GFI1: variants seen among roughly 807,000 people sequenced by gnomAD.
The protein encoded by GFI1 is growth factor independent 1 transcriptional repressor.
A neutral mutation model predicts 39.2 loss-of-function variants in GFI1; 15 were observed. The observed-to-expected ratio is 0.38, with a 90% CI of 0.26 to 0.59. The LOEUF (loss-of-function observed/expected upper bound fraction) is 0.59, where lower values mean the gene tolerates loss of function less well. Ranked by LOEUF, GFI1 falls within the 20% of genes least tolerant of loss-of-function variation. GFI1 has a pLI of 0.62. For missense variants in GFI1, 475 were observed against 574.0 expected (o/e 0.83, Z 1.76); for synonymous variants, 239 against 254.3 (o/e 0.94, Z 0.57).
In GFI1 at chr1:92,480,712, A is replaced by G. The variant is rs748481481; in HGVS notation, c.675T>C (p.Arg225=). 9 of 1,595,646 alleles carry G rather than the reference A, an allele frequency of 5.6e-6. No individual in the cohort carries two copies. The African/African-American group carries it at 1.2e-4, about 21-fold the overall frequency. ...CCTTGTCTGCGTGCAGCCCGTGGCC[A>G]CGCTCGGGGTACAGCAAGCCCGCCG... ...TAAAGLLYPE[R]GHGLHADKGA... Residue 225 remains arginine (R), a synonymous_variant, in exon 4 of 7, where the codon CGT becomes CGC. Transcript: ENST00000294702. The surrounding 1 kb of genome is among the most constrained non-coding windows in gnomAD (Gnocchi z 5.6).
In GFI1 at chr1:92,480,864, C is replaced by G; in HGVS notation, c.523G>C (p.Gly175Arg). 1.4e-6 allele frequency: 2 copies of G among 1,459,204 alleles called. No homozygotes were observed. Among genetic ancestry groups the G allele is most frequent in the Non-Finnish European group, 1.8e-6 (2 of 1,111,256 alleles). The allele number at this position is 1,459,204 out of a possible 1,614,324, so 90.4% of individuals were successfully genotyped here. The change falls in exon 4 of 7, where the codon GGC (glycine) becomes CGC (arginine). Residue 175 changes from glycine (G) to arginine (R), a missense_variant. Gly to Arg is a moderately radical substitution (Grantham distance 125). Coordinates refer to ENST00000294702, the MANE Select transcript of GFI1 (RefSeq NM_005263.5). The surrounding 1 kb of genome is among the most constrained non-coding windows in gnomAD (Gnocchi z 5.6). ...CCTGGCGCCCCGGCCCCCGCGCCGC[C>G]GGCAGCCCGCTTCGGGCCGTACAGC... Reference protein sequence around the residue: ...AALYGPKRAAGGAGAGAPGSC... With the variant: ...AALYGPKRAARGAGAGAPGSC...
intron 6 of GFI1, among the ~76,000 whole-genome samples, chr1:92,478,080 A>T (rs1658048277): frequency 6.6e-6 from 1 of 152,216 alleles, no homozygotes; most frequent in Non-Finnish European, 1.5e-5. Flanking sequence ...TAATGCATTT[A>T]AAAAATGCTT....
chr1:92,480,802 A>G lies in GFI1; in HGVS notation c.585T>C (p.Pro195=), dbSNP rs762301531. ...CSAGAGATAG[P]GLGLYGDFGS... is the part of the protein sequence containing the mutation. ...CGAAGTCGCCGTAGAGCCCTAGGCCAGGGCCAGCGGTGGCACCGGCCCCTG... is the reference window on the plus strand; with the variant it reads ...CGAAGTCGCCGTAGAGCCCTAGGCCGGGGCCAGCGGTGGCACCGGCCCCTG... The change falls in exon 4 of 7, where the codon CCT becomes CCC. Residue 195 remains proline, a synonymous_variant. Transcript: ENST00000294702. The surrounding 1 kb of genome is among the most constrained non-coding windows in gnomAD (Gnocchi z 5.6). The G allele has an allele frequency of 1.3e-6, 2 of 1,590,264 alleles. No individual in the cohort carries two copies. The highest frequency in any genetic ancestry group is 1.7e-6 in the Non-Finnish European group (2 of 1,171,554).
At chr1:92,476,762 T>TTC (rs141823158) in intron 6 of GFI1, among the ~76,000 whole-genome samples, 25 of 151,358 alleles carry the variant, frequency 1.7e-4, no homozygotes, top group South Asian at 8.4e-4. Context: ...CTTTCTTTAT[T>TTC]TCTCTCTCTC....
intron 6 of GFI1, among the ~76,000 whole-genome samples, chr1:92,476,957 TAATA>T (rs1658009611): frequency 6.6e-6 from 1 of 152,198 alleles, no homozygotes; most frequent in South Asian, 2.1e-4. Flanking sequence ...CACCACAAAT[TAATA>T]AATAAGAGAA....
rs1466520923 is a variant in GFI1 at position 92,482,086 on chromosome 1, C to G, written c.298+778G>C. The stretch of plus-strand genomic sequence containing the variant: ...CTGGCAGGAAGAATCCTCCCGCCGC[C>G]GGCTCCCAGACACACTTGCTGGAGC... On this transcript the variant is annotated intron_variant, in intron 3 of 6. Transcript: ENST00000294702. The surrounding 1 kb of genome is among the most constrained non-coding windows in gnomAD (Gnocchi z 4.4). Among the ~76,000 whole-genome samples, 1 of 152,158 alleles carries G rather than the reference C, an allele frequency of 6.6e-6. No homozygotes were observed. Among genetic ancestry groups the G allele is most frequent in the Non-Finnish European group, 1.5e-5 (1 of 68,034 alleles).
chr1:92,480,677 A>G lies in GFI1; in HGVS notation c.710T>C (p.Val237Ala), dbSNP rs1212064579. ...GCACAGCAGCTCCGACTCCACCTTGACGCCAGCGCCCTTGTCTGCGTGCAG... is the reference window on the plus strand; with the variant it reads ...GCACAGCAGCTCCGACTCCACCTTGGCGCCAGCGCCCTTGTCTGCGTGCAG... ...HGLHADKGAGVKVESELLCTR... is the reference protein window; with the variant it reads ...HGLHADKGAGAKVESELLCTR... Residue 237 changes from valine (V) to alanine (A), a missense_variant, in exon 4 of 7, where the codon GTC becomes GCC. By Grantham distance (64) the Val-to-Ala change is moderately conservative. Around this residue, in one of 4 missense-constraint regions of GFI1, gnomAD observed 79 missense variants for 68.4 expected, o/e 1.15. Transcript: ENST00000294702. This position sits in a 1 kb window ranked among gnomAD's most constrained non-coding sequence, Gnocchi z 5.6. The G allele has an allele frequency of 2.5e-6, 4 of 1,596,280 alleles. No individual in the cohort carries two copies. Among genetic ancestry groups the G allele is most frequent in the African/African-American group, 2.7e-5 (2 of 74,954 alleles).
chr1:92,476,255 G>T, intron 6 of GFI1, 48 bp from the exon 7 acceptor site: 1 of 1,541,822 alleles, frequency 6.5e-7, no homozygotes, highest in Non-Finnish European at 8.9e-7. Context: ...CTATGATAAA[G>T]CTAGAGGGGA....
chr1:92,477,380 A>T (rs1268845212), intron 6 of GFI1, among the ~76,000 whole-genome samples: 1 of 152,234 alleles, frequency 6.6e-6, no homozygotes, highest in Non-Finnish European at 1.5e-5. Flanking sequence ...AAAGTAGAAT[A>T]CTTTTCTGGG....
Position 92,480,467 on chromosome 1 carries a change from C to A in GFI1, c.805G>T (p.Gly269Trp). 1 of 1,550,232 alleles carries A rather than the reference C, an allele frequency of 6.5e-7. No homozygotes were observed. The highest frequency in any genetic ancestry group is 8.7e-7 in the Non-Finnish European group (1 of 1,146,602). ...GACCTGCGCACGTGCACCTCGAGCCCGTGCGGCGTGGAGAACACCTAAGGC... is the reference window on the plus strand; with the variant it reads ...GACCTGCGCACGTGCACCTCGAGCCAGTGCGGCGTGGAGAACACCTAAGGC... ...KCSKVFSTPH[G>W]LEVHVRRSHS... Residue 269 changes from glycine to tryptophan, a missense_variant, in exon 5 of 7, where the codon GGG becomes TGG. Gly to Trp is a radical substitution (Grantham distance 184). Transcript: ENST00000294702. This position sits in a 1 kb window ranked among gnomAD's most constrained non-coding sequence, Gnocchi z 5.6.
In GFI1 at chr1:92,480,261, TC is replaced by T; in HGVS notation, c.924+86del. 4 of 1,430,212 alleles carry T rather than the reference TC, an allele frequency of 2.8e-6. No individual in the cohort carries two copies. The South Asian group carries it at 4.9e-5, about 17-fold the overall frequency. 88.6% of individuals were successfully genotyped at this position (1,430,212 alleles called of 1,614,324 possible). ...ACTGGGGGAAGTCGAGGAGAAAACT[TC>T]CAGGCAGAGAGTGGCTGGTGCTGCA... On this transcript the variant is annotated intron_variant, in intron 5 of 6. Transcript: ENST00000294702. The surrounding 1 kb of genome is among the most constrained non-coding windows in gnomAD (Gnocchi z 5.6).
Position 92,475,627 on chromosome 1 carries a change from CA to C in GFI1, c.*401del, listed in dbSNP as rs1379712016. On this transcript the variant is annotated 3_prime_UTR_variant, in exon 7 of 7. Coordinates refer to ENST00000294702, the MANE Select transcript of GFI1 (RefSeq NM_005263.5). ...AAATGGTGATTCCTCCTCTTCCACA[CA>C]AATATCTGGGGTAGGTCAAGAGGGG... 1 of 254,258 alleles carries C rather than the reference CA, an allele frequency of 3.9e-6. No individual in the cohort carries two copies. The highest frequency in any genetic ancestry group is 2.2e-5 in the African/African-American group (1 of 45,298). 15.8% of individuals were successfully genotyped at this position (254,258 alleles called of 1,614,324 possible).
At chr1:92,486,452 T>C (rs1658530660) in intron 1 of GFI1, among the ~76,000 whole-genome samples, 1 of 151,930 alleles carries the variant, frequency 6.6e-6, no homozygotes, top group Non-Finnish European at 1.5e-5. Context: ...GGACACAGAT[T>C]GACTGGCGAG....
Position 92,476,211 on chromosome 1 carries a change from T to C in GFI1, c.1091-4A>G. The C allele has an allele frequency of 6.2e-7, 1 of 1,611,356 alleles. No homozygotes were observed. Among genetic ancestry groups the C allele is most frequent in the Non-Finnish European group, 8.5e-7 (1 of 1,178,790 alleles). On this transcript the variant is annotated splice_polypyrimidine_tract_variant and splice_region_variant and intron_variant, in intron 6 of 6. Transcript: ENST00000294702. ...TGGCACTTGTGAGGCTTCTCACCTG[T>C]GGGGATGGGAGGGGGAGGGGAGAAA... is the stretch of plus-strand genomic sequence containing the variant.
At position 92,480,486 on chromosome 1, in the gene GFI1, C is replaced by G; in HGVS notation, c.787-1G>C. On this transcript the variant is annotated splice_acceptor_variant, in intron 4 of 6. Transcript: ENST00000294702. LOFTEE classifies it high-confidence loss of function. This position sits in a 1 kb window ranked among gnomAD's most constrained non-coding sequence, Gnocchi z 5.6. Reference sequence around the variant, plus strand: ...CGAGCCCGTGCGGCGTGGAGAACACCTAAGGCGGGTGGGGCCAGAGAGAAG... The same window carrying G: ...CGAGCCCGTGCGGCGTGGAGAACACGTAAGGCGGGTGGGGCCAGAGAGAAG... 6.5e-7 allele frequency: 1 copy of G among 1,549,828 alleles called. No individual in the cohort carries two copies. The highest frequency in any genetic ancestry group is 1.2e-5 in the South Asian group (1 of 84,036).
In GFI1 at chr1:92,473,197, A is replaced by G. The variant is rs1047766856; in HGVS notation, c.*2832T>C. Among the ~76,000 whole-genome samples, 2 of 150,260 alleles carry G rather than the reference A, an allele frequency of 1.3e-5. No homozygotes were observed. The highest frequency in any genetic ancestry group is 2.5e-5 in the African/African-American group (1 of 40,668). Reference sequence around the variant, plus strand: ...TTTACCAAAAAAAAAAAAAAAAGGCATACAGTTAACATCAAAATTACAATT... The same window carrying G: ...TTTACCAAAAAAAAAAAAAAAAGGCGTACAGTTAACATCAAAATTACAATT... On this transcript the variant is annotated 3_prime_UTR_variant, in exon 7 of 7. Transcript: ENST00000294702.
Position 92,482,329 on chromosome 1 carries a change from C to G in GFI1, c.298+535G>C, listed in dbSNP as rs947698603. 1.3e-5 allele frequency among the ~76,000 whole-genome samples: 2 copies of G among 152,082 alleles called. No homozygotes were observed. Among genetic ancestry groups the G allele is most frequent in the East Asian group, 3.9e-4 (2 of 5,184 alleles). On this transcript the variant is annotated intron_variant, in intron 3 of 6. Coordinates refer to ENST00000294702, the MANE Select transcript of GFI1 (RefSeq NM_005263.5). The surrounding 1 kb of genome is among the most constrained non-coding windows in gnomAD (Gnocchi z 4.4). ...CTGGAAATGAAACCCAGAGAGCAGG[C>G]CCCTGAGGCTAGGTTAACCCGGCAA...
Position 92,476,126 on chromosome 1 carries a change from G to A in GFI1, c.1172C>T (p.Thr391Ile), listed in dbSNP as rs1359056019. ...SNLITHSRKH[T>I]GFKPFGCDLC... ...GTCGCAGCCGAAGGGCTTGAAGCCTGTGTGTTTGCGGCTGTGGGTGATGAG... is the reference window on the plus strand; with the variant it reads ...GTCGCAGCCGAAGGGCTTGAAGCCTATGTGTTTGCGGCTGTGGGTGATGAG... Residue 391 changes from threonine (T) to isoleucine (I), a missense_variant, in exon 7 of 7, where the codon ACA (threonine) becomes ATA (isoleucine). Transcript: ENST00000294702. 6 of 1,614,062 alleles carry A rather than the reference G, an allele frequency of 3.7e-6. No individual in the cohort carries two copies. The South Asian group carries it at 6.6e-5, about 18-fold the overall frequency.
intron 5 of GFI1, 41 bp from the exon 6 acceptor site, chr1:92,478,794 A>AGAGG: frequency 6.4e-7 from 1 of 1,572,898 alleles, no homozygotes; most frequent in South Asian, 1.1e-5. Context: ...AGAGAGAGAG[A>AGAGG]TGCAGAACTC....
Sources: gnomAD v4.1 joint callset for allele counts (sites outside exome capture counted in the v4.1 genomes callset) on GRCh38, gnomAD v4.1.1 for gene constraint, gnomAD v4.1.1 regional missense constraint, Gnocchi (gnomAD v3.1) non-coding constraint, MANE v1.5 for transcripts, NCBI Gene and HGNC (gene_info 2026-07-23, HGNC 2026-07-21) for gene names.